PAX3: variants seen among roughly 807,000 people sequenced by gnomAD.
The protein encoded by PAX3 is paired box protein Pax-3.
In PAX3, 14 loss-of-function variants were observed where a neutral mutation model predicts 51.6. That is an observed-to-expected ratio of 0.27 (90% confidence interval 0.18 to 0.42). The LOEUF (loss-of-function observed/expected upper bound fraction) is 0.42, where lower values mean the gene tolerates loss of function less well. Among genes scored for constraint, PAX3 ranks in the 10% least tolerant of loss-of-function variants. PAX3 has a pLI of 1.00. For synonymous variants in PAX3, 280 were observed against 253.4 expected (o/e 1.11, Z -1.00); for missense variants, 540 against 642.8 (o/e 0.84, Z 1.73).
chr2:222,273,288 T>G (rs1274227652), intron 4 of PAX3, among the ~76,000 whole-genome samples: 1 of 152,178 alleles, frequency 6.6e-6, no homozygotes. Context: ...GTGACTCTTC[T>G]TAACTAAAAA....
chr2:222,205,935 T>C (rs1368305925), intron 7 of PAX3, among the ~76,000 whole-genome samples: 1 of 152,186 alleles, frequency 6.6e-6, no homozygotes, highest in Non-Finnish European at 1.5e-5. Flanking sequence ...TTATCCAATA[T>C]GGTTATGGAA....
chr2:222,296,402 T>C (rs1263559823), intron 2 of PAX3, among the ~76,000 whole-genome samples: 1 of 152,188 alleles, frequency 6.6e-6, no homozygotes, highest in African/African-American at 2.4e-5. Context: ...TCTTTCTTTT[T>C]AAAAACAGAA....
intron 7 of PAX3, among the ~76,000 whole-genome samples, chr2:222,208,046 G>A (rs899695343): frequency 2.0e-5 from 3 of 151,516 alleles, no homozygotes; most frequent in South Asian, 4.2e-4. Flanking sequence ...TCTAGCCAGT[G>A]ATGAATGACC....
At chr2:222,272,962 C>T (rs1559300977) in intron 4 of PAX3, among the ~76,000 whole-genome samples, 1 of 152,158 alleles carries the variant, frequency 6.6e-6, no homozygotes, top group African/African-American at 2.4e-5. Flanking sequence ...TATCCTTTGA[C>T]TGTTTGTATT....
intron 7 of PAX3, among the ~76,000 whole-genome samples, chr2:222,218,302 C>G (rs1255530550): frequency 2.0e-5 from 3 of 152,120 alleles, no homozygotes; most frequent in African/African-American, 7.2e-5. Context: ...AGCAATTCTA[C>G]TTATGTGATA....
chr2:222,290,415 A>G (rs1694987040), intron 4 of PAX3, among the ~76,000 whole-genome samples: 1 of 152,250 alleles, frequency 6.6e-6, no homozygotes, highest in South Asian at 2.1e-4. Flanking sequence ...GGAAAGGAAT[A>G]TAAGCCCCCA....
At chr2:222,219,563 T>G (rs927284358) in intron 7 of PAX3, among the ~76,000 whole-genome samples, 2 of 152,190 alleles carry the variant, frequency 1.3e-5, no homozygotes, top group African/African-American at 2.4e-5. Flanking sequence ...ATTCAAATAT[T>G]TATATAGTCC....
chr2:222,278,540 G>A (rs918374951), intron 4 of PAX3, among the ~76,000 whole-genome samples: 2 of 152,166 alleles, frequency 1.3e-5, no homozygotes, highest in East Asian at 1.9e-4. Context: ...TTTTGCCAGG[G>A]AGCCCAAGGG....
At chr2:222,280,602 C>T (rs1235026747) in intron 4 of PAX3, among the ~76,000 whole-genome samples, 2 of 152,094 alleles carry the variant, frequency 1.3e-5, no homozygotes, top group South Asian at 2.1e-4. Flanking sequence ...GAGCCTCTTA[C>T]AAAAGCAAGA....
At chr2:222,294,103 T>A (rs1341033329) in intron 4 of PAX3, 64 bp downstream of exon 4, 4 of 1,608,854 alleles carry the variant, frequency 2.5e-6, no homozygotes, top group South Asian at 1.1e-5. Context: ...AGATCACCAA[T>A]GTCAGCTAGC....
At chr2:222,229,201 C>G (rs912524304) in intron 5 of PAX3, among the ~76,000 whole-genome samples, 1 of 150,158 alleles carries the variant, frequency 6.7e-6, no homozygotes, top group Non-Finnish European at 1.5e-5. Flanking sequence ...CAGATTTTTT[C>G]TCTGCACTGT....
chr2:222,279,378 C>T (rs1349679925), intron 4 of PAX3, among the ~76,000 whole-genome samples: 1 of 151,626 alleles, frequency 6.6e-6, no homozygotes, highest in Admixed American at 6.6e-5. Flanking sequence ...ATGGCAGGGA[C>T]AGGGATTCAG....
At chr2:222,210,599 T>G (rs924066986) in intron 7 of PAX3, among the ~76,000 whole-genome samples, 7 of 152,178 alleles carry the variant, frequency 4.6e-5, no homozygotes, top group African/African-American at 1.7e-4. Flanking sequence ...GTTTTCATTA[T>G]AGTGGGTTCT....
intron 7 of PAX3, among the ~76,000 whole-genome samples, chr2:222,210,660 A>T (rs1336854841): frequency 1.3e-5 from 2 of 152,092 alleles, no homozygotes; most frequent in Non-Finnish European, 2.9e-5. Context: ...AGTACATTAT[A>T]TTTCTGGAGA....
intron 4 of PAX3, among the ~76,000 whole-genome samples, chr2:222,271,417 A>T (rs1694249219): frequency 6.6e-6 from 1 of 152,198 alleles, no homozygotes; most frequent in Non-Finnish European, 1.5e-5. Context: ...TAACTGTGAC[A>T]AGTTCCATCC....
At chr2:222,293,635 T>C in intron 4 of PAX3, 1 of 1,613,726 alleles carries the variant, frequency 6.2e-7, no homozygotes, top group East Asian at 2.2e-5. Context: ...ATCAAACCAG[T>C]CAACACACAG....
rs181016798 is a variant in PAX3 at position 222,246,440 on chromosome 2, G to A, written c.587-14157C>T. ...AAATATGTTTCTTATTTCATTGTGC[G>A]TTTTTGTTTTCATACTACAAAAGTA... On this transcript the variant is annotated intron_variant, in intron 4 of 8. Coordinates refer to ENST00000392070, the MANE Select transcript of PAX3 (RefSeq NM_181458.4). Among the ~76,000 whole-genome samples, 20 of 152,236 alleles carry A rather than the reference G, an allele frequency of 1.3e-4. No homozygotes were observed. The East Asian group carries it at 2.1e-3, about 16-fold the overall frequency.
Position 222,202,099 on chromosome 2 carries a change from G to A in PAX3, c.1265C>T (p.Thr422Ile), listed in dbSNP as rs1455880718. The A allele has an allele frequency of 2.5e-6, 4 of 1,613,974 alleles. No homozygotes were observed. The highest frequency in any genetic ancestry group is 1.1e-5 in the South Asian group (1 of 91,072). ...ACTGCAGCTGGCCGACACCGTGGTG[G>A]TAGGTTCCAGACCCCCGGTGAGAGG... ...LSPLTGGLEP[T>I]TTVSASCSQR... The change falls in exon 8 of 9, where the codon ACC becomes ATC. Residue 422 changes from threonine (T) to isoleucine (I), a missense_variant. Thr to Ile is a moderately conservative substitution (Grantham distance 89). This residue lies in a region of PAX3 where 427 missense variants were observed against 483.6 expected (regional missense o/e 0.88). Coordinates refer to ENST00000392070, the MANE Select transcript of PAX3 (RefSeq NM_181458.4).
Position 222,298,818 on chromosome 2 carries a change from G to T in PAX3, c.-203C>A, listed in dbSNP as rs1041226823. 5.0e-5 allele frequency: 31 copies of T among 617,304 alleles called. No individual in the cohort carries two copies. The highest frequency in any genetic ancestry group is 3.9e-4 in the African/African-American group (21 of 54,530). 38.2% of individuals were successfully genotyped at this position (617,304 alleles called of 1,614,324 possible). On this transcript the variant is annotated 5_prime_UTR_variant, in exon 1 of 9. Coordinates refer to ENST00000392070, the MANE Select transcript of PAX3 (RefSeq NM_181458.4). ...GCTGGAACCCGGGAAAGGGGAGGAC[G>T]GGGAGGCCCCGGAGTCCAGGATCCC...
Sources: allele counts gnomAD v4.1 joint callset (sites outside exome capture counted in the v4.1 genomes callset), GRCh38; gene constraint gnomAD v4.1.1; regional missense constraint gnomAD v4.1.1; transcripts MANE v1.5; gene names NCBI Gene and HGNC (gene_info 2026-07-23, HGNC 2026-07-21).